The following FCHO2 variants were observed in gnomAD, a reference collection of about 807,000 sequenced individuals.
FCHO2 encodes FCH and mu domain containing endocytic adaptor 2.
In FCHO2, 43 loss-of-function variants were observed where a neutral mutation model predicts 114.1. The ratio of observed to expected loss-of-function variants is 0.38; its 90% CI spans 0.30 to 0.49. FCHO2 has a LOEUF of 0.49. Among genes scored for constraint, FCHO2 ranks in the 20% least tolerant of loss-of-function variants. FCHO2 has a pLI of 0.97. For synonymous variants in FCHO2, 293 were observed against 315.2 expected, an observed-to-expected ratio of 0.93 and a Z score of 0.75; for missense variants, 807 against 950.4, an observed-to-expected ratio of 0.85 and a Z score of 1.98.
chr5:73,002,688 G>A (rs1409086744), intron 5 of FCHO2, among the ~76,000 whole-genome samples: 1 of 152,166 alleles, frequency 6.6e-6, no homozygotes, highest in Admixed American at 6.5e-5. Context: ...TAATTTGCAT[G>A]CAACAGTAAA....
At chr5:73,047,955 G>C (rs1172080281) in intron 11 of FCHO2, among the ~76,000 whole-genome samples, 1 of 151,960 alleles carries the variant, frequency 6.6e-6, no homozygotes, top group Non-Finnish European at 1.5e-5. Context: ...TCCCACCTCA[G>C]CTCCCTAGTA....
chr5:72,982,505 A>C (rs564597654), intron 2 of FCHO2, among the ~76,000 whole-genome samples: 1 of 152,232 alleles, frequency 6.6e-6, no homozygotes, highest in Non-Finnish European at 1.5e-5. Context: ...AAAGAACAAA[A>C]GTATTTAATT....
chr5:73,063,765 T>A, intron 17 of FCHO2, 76 bp from the exon 18 acceptor site: 1 of 1,341,142 alleles, frequency 7.5e-7, no homozygotes, highest in Non-Finnish European at 1.0e-6. Context: ...AAAGTTTCTT[T>A]ATAATAGAAT....
intron 1 of FCHO2, among the ~76,000 whole-genome samples, chr5:72,957,438 T>G (rs919952196): frequency 6.6e-6 from 1 of 152,250 alleles, no homozygotes; most frequent in Non-Finnish European, 1.5e-5. Context: ...TCTGCATTTG[T>G]CTAGTCTGGA....
intron 2 of FCHO2, among the ~76,000 whole-genome samples, chr5:72,983,169 C>G (rs1440781698): frequency 6.6e-6 from 1 of 152,130 alleles, no homozygotes; most frequent in Non-Finnish European, 1.5e-5. Context: ...CAGCCTCAGC[C>G]TCCCAAAGTG....
intron 1 of FCHO2, among the ~76,000 whole-genome samples, chr5:72,967,162 T>C (rs980340833): frequency 2.0e-5 from 3 of 152,228 alleles, no homozygotes; most frequent in Non-Finnish European, 4.4e-5. Flanking sequence ...GGTGCACACC[T>C]GTAATCCCAG....
chr5:73,034,167 T>C (rs1314198721), intron 8 of FCHO2, among the ~76,000 whole-genome samples: 3 of 152,248 alleles, frequency 2.0e-5, no homozygotes, highest in Non-Finnish European at 4.4e-5. Context: ...ACCCAACTTA[T>C]TATTTACCTG....
intron 11 of FCHO2, among the ~76,000 whole-genome samples, chr5:73,048,235 A>T (rs1036649670): frequency 7.9e-5 from 12 of 151,986 alleles, no homozygotes; most frequent in Non-Finnish European, 1.8e-4. Flanking sequence ...AGATCAACTG[A>T]GGCCAGGAGT....
At chr5:73,044,238 T>C (rs1756950750) in intron 11 of FCHO2, among the ~76,000 whole-genome samples, 2 of 152,184 alleles carry the variant, frequency 1.3e-5, no homozygotes, top group Admixed American at 1.3e-4. Flanking sequence ...CAGTCTCAGA[T>C]AGTTCTTGAT....
In FCHO2 at chr5:72,985,981, T is replaced by A. The variant is rs186704243; in HGVS notation, c.126-3446T>A. On this transcript the variant is annotated intron_variant, in intron 2 of 25. Coordinates refer to ENST00000430046, the MANE Select transcript of FCHO2 (RefSeq NM_138782.3). ...AACTCATTCTTTCTCTTTACTCATTTATCTGACTTTTCTTGCTTTGTCCTT... is the reference window on the plus strand; with the variant it reads ...AACTCATTCTTTCTCTTTACTCATTAATCTGACTTTTCTTGCTTTGTCCTT... 2.0e-3 allele frequency among the ~76,000 whole-genome samples: 311 copies of A among 152,302 alleles called. 3 individuals carry two copies. The highest frequency in any genetic ancestry group is 7.2e-3 in the African/African-American group (301 of 41,584).
At chr5:73,050,255 G>C (rs1362098785) in intron 11 of FCHO2, among the ~76,000 whole-genome samples, 3 of 151,302 alleles carry the variant, frequency 2.0e-5, no homozygotes, top group Non-Finnish European at 4.4e-5. Flanking sequence ...TTGATCTACA[G>C]GTTCCCCTTC....
At position 73,048,961 on chromosome 5, in the gene FCHO2, C is replaced by G. The variant is rs978797831; in HGVS notation, c.940-2388C>G. 2.0e-5 allele frequency among the ~76,000 whole-genome samples: 3 copies of G among 148,052 alleles called. No homozygotes were observed. The Admixed American group carries it at 2.0e-4, about 10-fold the overall frequency. On this transcript the variant is annotated intron_variant, in intron 11 of 25. Coordinates refer to ENST00000430046, the MANE Select transcript of FCHO2 (RefSeq NM_138782.3). Reference sequence around the variant, plus strand: ...GCGCGATCTCGGCTCACTGCAAGCTCCGCCTCCCGGGTTCACGCCATTCTC... The same window carrying G: ...GCGCGATCTCGGCTCACTGCAAGCTGCGCCTCCCGGGTTCACGCCATTCTC...
intron 1 of FCHO2, among the ~76,000 whole-genome samples, chr5:72,960,195 C>G (rs1450328958): frequency 6.6e-6 from 1 of 152,228 alleles, no homozygotes; most frequent in Non-Finnish European, 1.5e-5. Flanking sequence ...CGTTGAAACT[C>G]TCTTCAAGCT....
intron 8 of FCHO2, chr5:73,020,650 C>T: frequency 1.0e-6 from 1 of 964,364 alleles, no homozygotes; most frequent in Non-Finnish European, 1.7e-6. Context: ...CTTTCAAGTT[C>T]CAGTTATTAA....
chr5:73,051,162 A>AT (rs1580168978), intron 11 of FCHO2, 187 bp from the exon 12 acceptor site: 1 of 453,890 alleles, frequency 2.2e-6, no homozygotes, highest in East Asian at 4.4e-5. Flanking sequence ...TAGCCAGAGC[A>AT]TGGAGTGTGA....
At chr5:73,045,827 G>A (rs1406354848) in intron 11 of FCHO2, among the ~76,000 whole-genome samples, 1 of 152,034 alleles carries the variant, frequency 6.6e-6, no homozygotes, top group Non-Finnish European at 1.5e-5. Context: ...TGATATATTT[G>A]GACCATTTAT....
chr5:73,051,877 AT>A (rs1325352737), intron 12 of FCHO2, among the ~76,000 whole-genome samples: 1 of 151,284 alleles, frequency 6.6e-6, no homozygotes, highest in Non-Finnish European at 1.5e-5. Flanking sequence ...GCCTTGACAT[AT>A]TTTTATTAAT....
In FCHO2 at chr5:73,068,727, T is replaced by G. The variant is rs1454850578; in HGVS notation, c.1527T>G (p.Ser509=). 6.2e-7 allele frequency: 1 copy of G among 1,612,490 alleles called. No homozygotes were observed. Among genetic ancestry groups the G allele is most frequent in the South Asian group, 1.1e-5 (1 of 91,040 alleles). The stretch of plus-strand genomic sequence containing the variant: ...CACCATTAGCCCGGGCAGAAAGTTC[T>G]TCTTCTATCTCATCATCTGCTTCAT... ...PAAPLARAES[S]SSISSSASLS... Residue 509 remains serine (S), a synonymous_variant, in exon 19 of 26, where the codon TCT becomes TCG. Transcript: ENST00000430046.
chr5:73,031,428 C>T (rs951175038), intron 8 of FCHO2, among the ~76,000 whole-genome samples: 4 of 152,114 alleles, frequency 2.6e-5, no homozygotes, highest in Non-Finnish European at 5.9e-5. Context: ...AAAACTTGTC[C>T]TGTTGATGGC....
Sources: gnomAD v4.1 joint callset for allele counts (sites outside exome capture counted in the v4.1 genomes callset) on GRCh38, gnomAD v4.1.1 for gene constraint, MANE v1.5 for transcripts, NCBI Gene and HGNC (gene_info 2026-07-23, HGNC 2026-07-21) for gene names.